The following MIPOL1 variants were observed in gnomAD, a reference collection of about 807,000 sequenced individuals.
MIPOL1 encodes mirror-image polydactyly gene 1 protein.
MIPOL1 carries 57 observed loss-of-function variants against 60.9 expected under a neutral mutation model. The observed-to-expected ratio is 0.94, with a 90% CI of 0.76 to 1.17. The LOEUF is 1.17. MIPOL1 is among the 50% of genes most tolerant of loss of function. MIPOL1 has a pLI of 0.00. For missense variants in MIPOL1, 551 were observed against 511.6 expected (o/e 1.08, Z -0.74); for synonymous variants, 179 against 168.8 (o/e 1.06, Z -0.47).
chr14:37,495,135 AT>A lies in MIPOL1; in HGVS notation c.1032-4765del, dbSNP rs527790090. Among the ~76,000 whole-genome samples, 89 of 126,384 alleles carry A rather than the reference AT, an allele frequency of 7.0e-4. 1 individual carries two copies. The South Asian group carries it at 0.011, about 16-fold the overall frequency. The allele number at this position is 126,384 out of a possible 152,430, so 82.9% of individuals were successfully genotyped here. Reference sequence around the variant, plus strand: ...AATTTTTCTTTTTTTTTTTTTTAATATTTTTTTTATTATACTTTAAGTTTTA... The same window carrying A: ...AATTTTTCTTTTTTTTTTTTTTAATATTTTTTTATTATACTTTAAGTTTTA... On this transcript the variant is annotated intron_variant, in intron 11 of 12. Coordinates refer to ENST00000684589, the MANE Select transcript of MIPOL1 (RefSeq NM_001388067.1).
intron 10 of MIPOL1, among the ~76,000 whole-genome samples, chr14:37,374,990 C>T (rs1441642206): frequency 5.3e-5 from 8 of 152,034 alleles, no homozygotes; most frequent in Admixed American, 2.6e-4. Context: ...GCTATTTTCA[C>T]GATATTGATT....
At chr14:37,230,334 T>A (rs1481864429) in intron 1 of MIPOL1, among the ~76,000 whole-genome samples, 1 of 152,178 alleles carries the variant, frequency 6.6e-6, no homozygotes, top group Admixed American at 6.5e-5. Context: ...TAGGAAAAGG[T>A]CAACAAAGTG....
chr14:37,411,917 T>G (rs2093687316), intron 10 of MIPOL1, among the ~76,000 whole-genome samples: 1 of 152,132 alleles, frequency 6.6e-6, no homozygotes. Flanking sequence ...GCCTCTTATA[T>G]AGCTTACATA....
chr14:37,397,304 C>T (rs2093389951), intron 10 of MIPOL1, among the ~76,000 whole-genome samples: 1 of 150,822 alleles, frequency 6.6e-6, no homozygotes, highest in Non-Finnish European at 1.5e-5. Context: ...GGGTTATCTG[C>T]ACAGAGTCCT....
At chr14:37,294,236 G>C (rs1241515874) in intron 7 of MIPOL1, among the ~76,000 whole-genome samples, 1 of 152,204 alleles carries the variant, frequency 6.6e-6, no homozygotes, top group Non-Finnish European at 1.5e-5. Flanking sequence ...CAACAGACCT[G>C]CAGCTCAGGG....
At chr14:37,529,853 G>C (rs1308969504) in intron 12 of MIPOL1, among the ~76,000 whole-genome samples, 1 of 152,136 alleles carries the variant, frequency 6.6e-6, no homozygotes, top group Non-Finnish European at 1.5e-5. Flanking sequence ...AGATAAGCGA[G>C]ACTAGTCTGA....
intron 1 of MIPOL1, among the ~76,000 whole-genome samples, chr14:37,203,573 A>G (rs1965631721): frequency 6.6e-6 from 1 of 152,174 alleles, no homozygotes; most frequent in Admixed American, 6.5e-5. Context: ...TTCTACTAGA[A>G]TATGGCAAAA....
At chr14:37,485,584 T>C (rs1168581661) in intron 11 of MIPOL1, among the ~76,000 whole-genome samples, 1 of 152,224 alleles carries the variant, frequency 6.6e-6, no homozygotes, top group African/African-American at 2.4e-5. Context: ...TAATGACCAG[T>C]GATGATGAGA....
intron 12 of MIPOL1, among the ~76,000 whole-genome samples, chr14:37,508,327 T>G (rs2095298063): frequency 6.6e-6 from 1 of 152,166 alleles, no homozygotes; most frequent in Non-Finnish European, 1.5e-5. Flanking sequence ...TGATCTATAT[T>G]CACCATCTCT....
intron 11 of MIPOL1, among the ~76,000 whole-genome samples, chr14:37,485,192 A>G (rs2094928952): frequency 6.6e-6 from 1 of 151,900 alleles, no homozygotes; most frequent in South Asian, 2.1e-4. Context: ...TTTATATTCC[A>G]TGGTGTATAT....
chr14:37,461,688 A>G (rs1320500793), intron 11 of MIPOL1, among the ~76,000 whole-genome samples: 1 of 152,200 alleles, frequency 6.6e-6, no homozygotes, highest in African/African-American at 2.4e-5. Flanking sequence ...AAATGGGAGA[A>G]ATTGGCCAAA....
intron 12 of MIPOL1, among the ~76,000 whole-genome samples, chr14:37,530,594 T>C (rs184396585): frequency 6.6e-6 from 1 of 152,298 alleles, no homozygotes; most frequent in Admixed American, 6.5e-5. Context: ...ATGATAAAGA[T>C]TATTCATAAG....
At position 37,548,344 on chromosome 14, in the gene MIPOL1, C is replaced by G. The variant is rs887856222; in HGVS notation, c.*1373C>G. 2 of 151,882 alleles carry G rather than the reference C, an allele frequency of 1.3e-5. No homozygotes were observed. The highest frequency in any genetic ancestry group is 2.9e-5 in the Non-Finnish European group (2 of 67,860). 9.4% of individuals were successfully genotyped at this position (151,882 alleles called of 1,614,324 possible). On this transcript the variant is annotated 3_prime_UTR_variant, in exon 13 of 13. Coordinates refer to ENST00000684589, the MANE Select transcript of MIPOL1 (RefSeq NM_001388067.1). ...ATGTAAGCTACTTTGTCATAGATCACAAAAGAATCATAATGCTAACAAACT... is the reference window on the plus strand; with the variant it reads ...ATGTAAGCTACTTTGTCATAGATCAGAAAAGAATCATAATGCTAACAAACT...
At chr14:37,506,911 AAAAC>A (rs1224868780) in intron 12 of MIPOL1, 5 of 152,234 alleles carry the variant, frequency 3.3e-5, no homozygotes, top group African/African-American at 1.2e-4. Context: ...TTACAAGAAA[AAAAC>A]AAACATCCCC....
intron 4 of MIPOL1, among the ~76,000 whole-genome samples, chr14:37,267,953 AC>A (rs1275867418): frequency 6.6e-6 from 1 of 152,020 alleles, no homozygotes; most frequent in African/African-American, 2.4e-5. Flanking sequence ...CTCAGCTTTT[AC>A]CCAGTAACCT....
intron 9 of MIPOL1, among the ~76,000 whole-genome samples, chr14:37,323,155 A>G (rs2088789909): frequency 6.6e-6 from 1 of 152,098 alleles, no homozygotes; most frequent in Non-Finnish European, 1.5e-5. Flanking sequence ...TTTTTATATA[A>G]GGTGTAAAGA....
At chr14:37,257,079 G>A (rs973388521) in intron 3 of MIPOL1, among the ~76,000 whole-genome samples, 1 of 126,866 alleles carries the variant, frequency 7.9e-6, no homozygotes, top group African/African-American at 2.8e-5. Flanking sequence ...TGTTTTTTGG[G>A]TTTTTTGGTT....
chr14:37,417,385 T>C (rs1346005850), intron 10 of MIPOL1, among the ~76,000 whole-genome samples: 1 of 152,144 alleles, frequency 6.6e-6, no homozygotes, highest in Non-Finnish European at 1.5e-5. Flanking sequence ...GGAACCTCAT[T>C]ATCTCTGGTC....
chr14:37,247,608 T>G (rs1289167191), intron 2 of MIPOL1, among the ~76,000 whole-genome samples: 4 of 152,240 alleles, frequency 2.6e-5, no homozygotes, highest in East Asian at 1.9e-4. Context: ...TCTAAAAAAC[T>G]TAACCTGAAC....
Sources: gnomAD v4.1 joint callset for allele counts (sites outside exome capture counted in the v4.1 genomes callset) on GRCh38, gnomAD v4.1.1 for gene constraint, MANE v1.5 for transcripts, NCBI Gene and HGNC (gene_info 2026-07-23, HGNC 2026-07-21) for gene names.